The following IFT172 variants were observed in gnomAD, a reference collection of about 807,000 sequenced individuals.
The protein encoded by IFT172 is intraflagellar transport protein 172 homolog.
A neutral mutation model predicts 248.9 loss-of-function variants in IFT172; 164 were observed. The observed-to-expected ratio is 0.66, with a 90% CI of 0.58 to 0.75. The LOEUF (loss-of-function observed/expected upper bound fraction) is 0.75, where lower values mean the gene tolerates loss of function less well. Ranked by LOEUF, IFT172 falls within the 30% of genes least tolerant of loss-of-function variation. The pLI, the probability that IFT172 is intolerant of heterozygous loss-of-function variation, is 0.00. For synonymous variants in IFT172, 729 were observed against 791.6 expected, an observed-to-expected ratio of 0.92 and a Z score of 1.33; for missense variants, 1,950 against 2,192.4, an observed-to-expected ratio of 0.89 and a Z score of 2.21.
intron 35 of IFT172, among the ~76,000 whole-genome samples, chr2:27,451,887 C>T (rs1312556623): frequency 6.6e-6 from 1 of 151,922 alleles, no homozygotes; most frequent in South Asian, 2.1e-4. Context: ...CCCTCATGAC[C>T]CCCACTCACA....
chr2:27,451,616 A>T (rs979340726), intron 35 of IFT172, among the ~76,000 whole-genome samples: 6 of 152,108 alleles, frequency 3.9e-5, no homozygotes, highest in Admixed American at 1.3e-4. Flanking sequence ...ATACAAAAAA[A>T]TTAGCCCGGC....
At chr2:27,444,683 T>G (rs1664873156) in intron 47 of IFT172, among the ~76,000 whole-genome samples, 162 bp from the exon 48 acceptor site, 1 of 152,158 alleles carries the variant, frequency 6.6e-6, no homozygotes, top group Non-Finnish European at 1.5e-5. Context: ...AGTCTTGCTT[T>G]GTCGCCCAGG....
At chr2:27,479,458 G>T in intron 10 of IFT172, 51 bp downstream of exon 10, 1 of 982,906 alleles carries the variant, frequency 1.0e-6, no homozygotes. Context: ...ATGTTATAAG[G>T]AGGAATGAGC....
Position 27,485,140 on chromosome 2 carries a change from T to A in IFT172, c.184-10A>T, listed in dbSNP as rs546122503. On this transcript the variant is annotated splice_polypyrimidine_tract_variant and intron_variant, in intron 2 of 47. Transcript: ENST00000260570. ...AGCTCTTCCTGCCATACTAAGAGTT[T>A]AAAAAAAAAAAAAGAAAGAAAAAGA... is the stretch of plus-strand genomic sequence containing the variant. 1.6e-4 allele frequency: 208 copies of A among 1,292,302 alleles called. No individual in the cohort carries two copies. The South Asian group carries it at 2.1e-3, about 13-fold the overall frequency. The allele number at this position is 1,292,302 out of a possible 1,614,324, so 80.1% of individuals were successfully genotyped here.
chr2:27,474,968 T>G (rs1667859855), intron 14 of IFT172, among the ~76,000 whole-genome samples: 1 of 151,950 alleles, frequency 6.6e-6, no homozygotes, highest in Admixed American at 6.6e-5. Flanking sequence ...GGCAAAAATA[T>G]CTGCAATGCA....
Position 27,465,418 on chromosome 2 carries a change from C to T in IFT172, c.1930G>A (p.Ala644Thr). Reference protein sequence around the residue: ...LALEARQLHIAERCFSALGQV... With the variant: ...LALEARQLHITERCFSALGQV... ...TCTACATGTCTACCTCACCTCTCCG[C>T]AATGTGTAGTTGCCTTGCCTCTAGT... Residue 644 changes from alanine to threonine, a missense_variant, in exon 18 of 48, where the codon GCG (alanine) becomes ACG (threonine). Around this residue, in one of 3 missense-constraint regions of IFT172, gnomAD observed 1,166 missense variants for 1,254.1 expected, o/e 0.93. Coordinates refer to ENST00000260570, the MANE Select transcript of IFT172 (RefSeq NM_015662.3). 6.2e-7 allele frequency: 1 copy of T among 1,613,948 alleles called. No individual in the cohort carries two copies. Among genetic ancestry groups the T allele is most frequent in the South Asian group, 1.1e-5 (1 of 91,076 alleles).
At chr2:27,485,258 T>C in intron 2 of IFT172, 102 bp downstream of exon 2, 1 of 1,552,608 alleles carries the variant, frequency 6.4e-7, no homozygotes, top group Non-Finnish European at 8.8e-7. Context: ...AAAGGTGGGG[T>C]ATGCCATTTC....
At chr2:27,457,485 C>T (rs779208048) in intron 29 of IFT172, among the ~76,000 whole-genome samples, 154 bp downstream of exon 29, 3 of 151,780 alleles carry the variant, frequency 2.0e-5, no homozygotes, top group East Asian at 1.9e-4. Context: ...GTGGGAGGAT[C>T]GAGTGCTTAA....
In IFT172 at chr2:27,454,915, T is replaced by C. The variant is rs981324713; in HGVS notation, c.3372-255A>G. ...TGCCTTCCCTGAGGCCAGCTGCTCC[T>C]GAGGAATTAGTTTGGGCCTGCGAAG... On this transcript the variant is annotated intron_variant, in intron 30 of 47. Transcript: ENST00000260570. The surrounding 1 kb of genome is among the most constrained non-coding windows in gnomAD (Gnocchi z 4.2). Among the ~76,000 whole-genome samples the C allele has an allele frequency of 6.6e-6, 1 of 152,258 alleles. No individual in the cohort carries two copies. Among genetic ancestry groups the C allele is most frequent in the Non-Finnish European group, 1.5e-5 (1 of 68,008 alleles).
At chr2:27,456,764 G>C in intron 29 of IFT172, 111 bp from the exon 30 acceptor site, 1 of 1,460,934 alleles carries the variant, frequency 6.8e-7, no homozygotes, top group Non-Finnish European at 9.2e-7. Context: ...ACAGGAAGAG[G>C]CTGGGTGTGG....
chr2:27,468,131 G>T (rs1667255591), intron 16 of IFT172, among the ~76,000 whole-genome samples: 1 of 147,056 alleles, frequency 6.8e-6, no homozygotes, highest in South Asian at 2.1e-4. Context: ...CTGCACTCCA[G>T]CCTGGATGAC....
chr2:27,472,459 G>T, intron 14 of IFT172, 97 bp from the exon 15 acceptor site: 1 of 915,060 alleles, frequency 1.1e-6, no homozygotes, highest in Non-Finnish European at 1.7e-6. Context: ...TAGGAAGCTA[G>T]GTCTCTTTTA....
At chr2:27,482,266 A>G (rs1399115260) in intron 7 of IFT172, among the ~76,000 whole-genome samples, 1 of 144,568 alleles carries the variant, frequency 6.9e-6, no homozygotes, top group Non-Finnish European at 1.5e-5. Flanking sequence ...TACAGGAGTG[A>G]GACACTGTGC....
At chr2:27,470,022 G>A (rs1667431492) in intron 16 of IFT172, among the ~76,000 whole-genome samples, 1 of 151,598 alleles carries the variant, frequency 6.6e-6, no homozygotes, top group African/African-American at 2.4e-5. Flanking sequence ...AACCTCTACA[G>A]AAACAGGACA....
chr2:27,481,898 A>T (rs929129055), intron 7 of IFT172, among the ~76,000 whole-genome samples: 1 of 151,996 alleles, frequency 6.6e-6, no homozygotes, highest in Non-Finnish European at 1.5e-5. Context: ...GATGTGCTAC[A>T]CATTAACCAA....
rs1668567659 is a variant in IFT172 at position 27,483,950 on chromosome 2, A to G, written c.337-13T>C. ...AAGTGACAGCACTCTGCGTGGAAGG[A>G]AACAATGAAAAGGATAACCCCATCT... On this transcript the variant is annotated splice_polypyrimidine_tract_variant and intron_variant, in intron 4 of 47. Coordinates refer to ENST00000260570, the MANE Select transcript of IFT172 (RefSeq NM_015662.3). 1 of 1,611,980 alleles carries G rather than the reference A, an allele frequency of 6.2e-7. No individual in the cohort carries two copies. Among genetic ancestry groups the G allele is most frequent in the Non-Finnish European group, 8.5e-7 (1 of 1,178,176 alleles).
rs1351640829 is a variant in IFT172 at position 27,453,686 on chromosome 2, G to A, written c.3765C>T (p.Ser1255=). The A allele has an allele frequency of 1.9e-6, 3 of 1,612,132 alleles. No homozygotes were observed. The highest frequency in any genetic ancestry group is 2.7e-5 in the African/African-American group (2 of 74,796). ...ATTCTTCCTGCAGAGCCTCCAGCTG[G>A]CTGGGCACATAGTCCTTGCAGATGC... ...ALRICKDYVP[S]QLEALQEEYE... The change falls in exon 34 of 48, where the codon AGC becomes AGT. Residue 1255 remains serine, a synonymous_variant. Coordinates refer to ENST00000260570, the MANE Select transcript of IFT172 (RefSeq NM_015662.3).
At chr2:27,466,859 A>G (rs1182978305) in intron 16 of IFT172, among the ~76,000 whole-genome samples, 1 of 151,994 alleles carries the variant, frequency 6.6e-6, no homozygotes, top group East Asian at 1.9e-4. Flanking sequence ...TGAAAGAAAA[A>G]AAAAAAATTA....
At chr2:27,489,590 GA>G in intron 1 of IFT172, 24 bp downstream of exon 1, 2 of 1,592,896 alleles carry the variant, frequency 1.3e-6, no homozygotes, top group Non-Finnish European at 1.7e-6. Flanking sequence ...GCATAAGGGG[GA>G]GGGACTGGCA....
Sources: allele counts gnomAD v4.1 joint callset (sites outside exome capture counted in the v4.1 genomes callset), GRCh38; gene constraint gnomAD v4.1.1; regional missense constraint gnomAD v4.1.1; non-coding constraint Gnocchi (gnomAD v3.1); transcripts MANE v1.5; gene names NCBI Gene and HGNC (gene_info 2026-07-23, HGNC 2026-07-21).